Variants in DROSHA observed in about 807,000 individuals in gnomAD.
DROSHA encodes ribonuclease 3.
Under a neutral mutation model 181.9 loss-of-function variants are expected in DROSHA, and 56 were observed. The ratio of observed to expected loss-of-function variants is 0.31; its 90% CI spans 0.25 to 0.38. The LOEUF (loss-of-function observed/expected upper bound fraction) is 0.38, where lower values mean the gene tolerates loss of function less well. DROSHA is among the 10% of genes least tolerant of loss of function. The pLI, the probability that DROSHA is intolerant of heterozygous loss-of-function variation, is 1.00. For missense variants in DROSHA, 1,218 were observed against 1,743.5 expected (o/e 0.70, Z 5.37); for synonymous variants, 524 against 591.2 (o/e 0.89, Z 1.65).
At chr5:31,450,678 TG>T (rs775036364) in intron 21 of DROSHA, among the ~76,000 whole-genome samples, 1 of 151,940 alleles carries the variant, frequency 6.6e-6, no homozygotes, top group East Asian at 1.9e-4. Context: ...GAGACTCAGA[TG>T]GGGAGTGTTG....
rs561630613 is a variant in DROSHA, at chr5:31,421,128, T to C, written c.3525+144A>G. On this transcript the variant is annotated intron_variant, in intron 30 of 35. Transcript: ENST00000344624. ...CATTGCATATGTGCTTTGTATACAA[T>C]TTGCACAATGAAATGAACAAAGCCA... is the stretch of plus-strand genomic sequence containing the variant. The C allele has an allele frequency of 2.9e-5, 19 of 648,076 alleles. 1 individual carries two copies. The South Asian group carries it at 3.1e-4, about 10-fold the overall frequency. 40.1% of individuals were successfully genotyped at this position (648,076 alleles called of 1,614,324 possible). A position where few individuals can be genotyped will look rare whatever the true frequency, so the allele number is the denominator to read the frequency against.
rs61748189 is a variant in DROSHA at position 31,410,816 on chromosome 5, G to A, written c.3597C>T (p.Tyr1199=). ...TCTTGGTCTTGTCGTTGGTTATGGCGTACTCCTGCATGCCCAGCTCCTCCG... is the reference window on the plus strand; with the variant it reads ...TCTTGGTCTTGTCGTTGGTTATGGCATACTCCTGCATGCCCAGCTCCTCCG... ...KVAEELGMQE[Y]AITNDKTKRP... Residue 1199 remains tyrosine (Y), a synonymous_variant, in exon 31 of 36, where the codon TAC becomes TAT. Coordinates refer to ENST00000344624, the MANE Select transcript of DROSHA (RefSeq NM_001382508.1). The A allele has an allele frequency of 0.01, 16,516 of 1,613,926 alleles. 129 individuals carry two copies. The highest frequency in any genetic ancestry group is 0.011 in the Non-Finnish European group (13,474 of 1,179,828).
chr5:31,515,508 C>T lies in DROSHA; in HGVS notation c.1004G>A (p.Gly335Glu). The change falls in exon 7 of 36, where the codon GGG (glycine) becomes GAG (glutamate). Residue 335 changes from glycine (G) to glutamate (E), a missense_variant. Coordinates refer to ENST00000344624, the MANE Select transcript of DROSHA (RefSeq NM_001382508.1). ...EPAGCTPELP[G>E]EIIKNTDSWA... is the part of the protein sequence containing the mutation. ...AGAATCTGTATTTTTAATAATCTCCCCAGGTAATTCTGGTGTGCATCCAGC... is the reference window on the plus strand; with the variant it reads ...AGAATCTGTATTTTTAATAATCTCCTCAGGTAATTCTGGTGTGCATCCAGC... 6.6e-7 allele frequency: 1 copy of T among 1,510,868 alleles called. No homozygotes were observed. Among genetic ancestry groups the T allele is most frequent in the Non-Finnish European group, 9.0e-7 (1 of 1,109,400 alleles). The allele number at this position is 1,510,868 out of a possible 1,614,324, so 93.6% of individuals were successfully genotyped here. A position where few individuals can be genotyped will look rare whatever the true frequency, so the allele number is the denominator to read the frequency against.
intron 26 of DROSHA, among the ~76,000 whole-genome samples, chr5:31,430,704 A>G (rs1450482278): frequency 1.3e-5 from 2 of 152,200 alleles, no homozygotes; most frequent in Non-Finnish European, 2.9e-5. Context: ...CATGTGACAA[A>G]TTCTTTGAAA....
At chr5:31,517,835 T>A (rs944415304) in intron 6 of DROSHA, among the ~76,000 whole-genome samples, 5 of 151,966 alleles carry the variant, frequency 3.3e-5, no homozygotes, top group African/African-American at 1.2e-4. Context: ...GAGGCCGGGG[T>A]AGGAGGATCA....
intron 19 of DROSHA, 135 bp downstream of exon 19, chr5:31,466,047 G>T: frequency 1.2e-6 from 1 of 818,870 alleles, no homozygotes; most frequent in South Asian, 1.9e-5. Context: ...ATAATGGGGG[G>T]AGGAGGGTAA....
intron 20 of DROSHA, among the ~76,000 whole-genome samples, chr5:31,463,196 G>T (rs534156531): frequency 6.6e-6 from 1 of 152,142 alleles, no homozygotes; most frequent in South Asian, 2.1e-4. Flanking sequence ...TAGACTTGGT[G>T]AAAATAGCTG....
At chr5:31,503,593 T>A (rs1580323856) in intron 11 of DROSHA, among the ~76,000 whole-genome samples, 1 of 152,208 alleles carries the variant, frequency 6.6e-6, no homozygotes, top group Non-Finnish European at 1.5e-5. Context: ...GATGGGGTTA[T>A]GACAGCCATT....
chr5:31,423,156 T>A, intron 28 of DROSHA: 1 of 476,228 alleles, frequency 2.1e-6, no homozygotes, highest in Non-Finnish European at 3.6e-6. Flanking sequence ...TCCAATCTTC[T>A]ATCAAATTTC....
chr5:31,404,747 G>A lies in DROSHA; in HGVS notation c.3994+930C>T, dbSNP rs148295279. Among the ~76,000 whole-genome samples, 235 of 151,980 alleles carry A rather than the reference G, an allele frequency of 1.5e-3. 1 individual carries two copies. Among genetic ancestry groups the A allele is most frequent in the African/African-American group, 5.2e-3 (217 of 41,412 alleles). ...TCTTCAACCCACGCATCCCACTCCT[G>A]GGAACCTATTCCACAGAACTAAAAA... On this transcript the variant is annotated intron_variant, in intron 35 of 35. Coordinates refer to ENST00000344624, the MANE Select transcript of DROSHA (RefSeq NM_001382508.1).
In DROSHA at chr5:31,411,760, G is replaced by C. The variant is rs939335128; in HGVS notation, c.3526-873C>G. Among the ~76,000 whole-genome samples the C allele has an allele frequency of 1.3e-5, 2 of 152,022 alleles. No homozygotes were observed. The highest frequency in any genetic ancestry group is 2.9e-5 in the Non-Finnish European group (2 of 68,002). ...TCCCACCTCAGCCTCCCGAGTAGCTGTGACTATAGGCACCTGCCAACATGC... is the reference window on the plus strand; with the variant it reads ...TCCCACCTCAGCCTCCCGAGTAGCTCTGACTATAGGCACCTGCCAACATGC... On this transcript the variant is annotated intron_variant, in intron 30 of 35. Coordinates refer to ENST00000344624, the MANE Select transcript of DROSHA (RefSeq NM_001382508.1). The surrounding 1 kb of genome is among the most constrained non-coding windows in gnomAD (Gnocchi z 4.2).
chr5:31,413,249 T>A (rs1401072159), intron 30 of DROSHA, among the ~76,000 whole-genome samples: 1 of 152,312 alleles, frequency 6.6e-6, no homozygotes, highest in East Asian at 1.9e-4. Flanking sequence ...GGGTGGCCAA[T>A]AATAAGTGAG....
At chr5:31,420,848 T>C (rs1218109771) in intron 30 of DROSHA, among the ~76,000 whole-genome samples, 31 of 152,240 alleles carry the variant, frequency 2.0e-4, no homozygotes, top group Admixed American at 2.0e-3. Flanking sequence ...CTTTATAATA[T>C]TTAACATGTT....
intron 16 of DROSHA, among the ~76,000 whole-genome samples, chr5:31,478,461 G>C (rs547888157): frequency 6.6e-6 from 1 of 152,348 alleles, no homozygotes; most frequent in African/African-American, 2.4e-5. Flanking sequence ...TCCTGGCCAG[G>C]TGTGATGGCT....
chr5:31,463,456 C>T (rs759405312), intron 20 of DROSHA, among the ~76,000 whole-genome samples: 1 of 152,086 alleles, frequency 6.6e-6, no homozygotes, highest in African/African-American at 2.4e-5. Flanking sequence ...ATGCTACCAT[C>T]GAAACAGATA....
At chr5:31,469,810 T>TA (rs1415298384) in intron 17 of DROSHA, among the ~76,000 whole-genome samples, 2 of 152,170 alleles carry the variant, frequency 1.3e-5, no homozygotes, top group African/African-American at 4.8e-5. Context: ...TGTTTAAGAA[T>TA]AAAAAATGAC....
Position 31,467,924 on chromosome 5 carries a change from TG to T in DROSHA, c.2366+14del. 1 of 1,610,074 alleles carries T rather than the reference TG, an allele frequency of 6.2e-7. No homozygotes were observed. Among genetic ancestry groups the T allele is most frequent in the Non-Finnish European group, 8.5e-7 (1 of 1,177,828 alleles). On this transcript the variant is annotated intron_variant, in intron 18 of 35. Transcript: ENST00000344624. Reference sequence around the variant, plus strand: ...AGGTGAAATTGGCTAAGACAAACACTGAGAAATATCTTACTGTGGGTCTCCT... The same window carrying T: ...AGGTGAAATTGGCTAAGACAAACACTAGAAATATCTTACTGTGGGTCTCCT...
chr5:31,421,207 G>T, intron 30 of DROSHA, 65 bp downstream of exon 30: 1 of 1,213,536 alleles, frequency 8.2e-7, no homozygotes, highest in South Asian at 1.2e-5. Context: ...ATATATATTT[G>T]ACCCCTCTAA....
Position 31,526,146 on chromosome 5 carries a change from T to A in DROSHA, c.787A>T (p.Ser263Cys). 1.9e-6 allele frequency: 3 copies of A among 1,613,870 alleles called. No homozygotes were observed. The highest frequency in any genetic ancestry group is 2.5e-6 in the Non-Finnish European group (3 of 1,179,804). ...CGGTCATAATCAGATCTGTACCGGC[T>A]GTCTTGTCTTCTCCTGTCGGGACTG... ...GRSPDRRRQD[S>C]RYRSDYDRGR... Residue 263 changes from serine (S) to cysteine (C), a missense_variant, in exon 5 of 36, where the codon AGC becomes TGC. Physicochemically the swap from Ser to Cys is moderately radical, Grantham distance 112 (BLOSUM62 -1). Transcript: ENST00000344624.
Sources: gnomAD v4.1 joint callset for allele counts (sites outside exome capture counted in the v4.1 genomes callset) on GRCh38, gnomAD v4.1.1 for gene constraint, Gnocchi (gnomAD v3.1) non-coding constraint, MANE v1.5 for transcripts, NCBI Gene and HGNC (gene_info 2026-07-23, HGNC 2026-07-21) for gene names.